TMEM169: variants seen among roughly 807,000 people sequenced by gnomAD.
TMEM169 encodes the protein transmembrane protein 169.
In TMEM169, 18 loss-of-function variants were observed where a neutral mutation model predicts 27.3. The ratio of observed to expected loss-of-function variants is 0.66; its 90% CI spans 0.46 to 0.98. TMEM169 has a LOEUF of 0.98. Among genes scored for constraint, TMEM169 ranks in the 50% least tolerant of loss-of-function variants. The pLI is 0.00. For missense variants in TMEM169, 320 were observed against 368.6 expected, an observed-to-expected ratio of 0.87 and a Z score of 1.08; for synonymous variants, 136 against 142.1, an observed-to-expected ratio of 0.96 and a Z score of 0.30.
intron 1 of TMEM169, among the ~76,000 whole-genome samples, chr2:216,091,578 A>AAAAAAAG (rs746507441): frequency 4.4e-5 from 5 of 113,364 alleles, no homozygotes; most frequent in Admixed American, 2.2e-4. Context: ...AAAAAAAAAA[A>AAAAAAAG]AGAGAGAGAC....
intron 2 of TMEM169, among the ~76,000 whole-genome samples, chr2:216,097,667 C>T (rs1696294043): frequency 6.6e-6 from 1 of 151,380 alleles, no homozygotes; most frequent in Non-Finnish European, 1.5e-5. Context: ...GACATATGCT[C>T]ACAGTGAACA....
chr2:216,102,770 T>C lies in TMEM169; in HGVS notation c.*2228T>C, dbSNP rs1696425531. On this transcript the variant is annotated 3_prime_UTR_variant, in exon 3 of 3. Coordinates refer to ENST00000437356, the MANE Select transcript of TMEM169 (RefSeq NM_001142311.2). ...CAAAGAAAATAAAAATAAAGTCTGA[T>C]TAACTTTTGCTCATTTTGTCTTTGA... The C allele has an allele frequency of 6.6e-6, 1 of 152,646 alleles. No individual in the cohort carries two copies. The highest frequency in any genetic ancestry group is 1.5e-5 in the Non-Finnish European group (1 of 68,044). The allele number at this position is 152,646 out of a possible 1,614,324, so 9.5% of individuals were successfully genotyped here.
At chr2:216,095,103 T>C (rs987353224) in intron 1 of TMEM169, among the ~76,000 whole-genome samples, 7 of 124,832 alleles carry the variant, frequency 5.6e-5, no homozygotes, top group Middle Eastern at 3.6e-3. Flanking sequence ...TGGTTCTTTT[T>C]TCTTTCTTTT....
At position 216,101,968 on chromosome 2, in the gene TMEM169, C is replaced by T. The variant is rs967163388; in HGVS notation, c.*1426C>T. 1.2e-4 allele frequency: 18 copies of T among 151,970 alleles called. No individual in the cohort carries two copies. Among genetic ancestry groups the T allele is most frequent in the Admixed American group, 8.5e-4 (13 of 15,244 alleles). 9.4% of individuals were successfully genotyped at this position (151,970 alleles called of 1,614,324 possible). ...CATATACTTTGAATATGCTATACAT[C>T]GATATTAGCACCTCACGTACTTTGC... On this transcript the variant is annotated 3_prime_UTR_variant, in exon 3 of 3. Transcript: ENST00000437356.
chr2:216,093,181 A>C (rs1696179684), intron 1 of TMEM169, among the ~76,000 whole-genome samples: 1 of 147,634 alleles, frequency 6.8e-6, no homozygotes, highest in African/African-American at 2.6e-5. Context: ...TAAAATCTTC[A>C]CCTGGGGGTG....
At chr2:216,088,131 C>G (rs1696048075) in intron 1 of TMEM169, among the ~76,000 whole-genome samples, 1 of 145,878 alleles carries the variant, frequency 6.9e-6, no homozygotes, top group Non-Finnish European at 1.5e-5. Flanking sequence ...GCACTCCAGC[C>G]TGGGTGACCA....
intron 1 of TMEM169, 62 bp downstream of exon 1, chr2:216,082,041 C>CAAAA (rs386392588): frequency 1.8e-4 from 44 of 249,588 alleles, no homozygotes; most frequent in East Asian, 1.4e-3. Context: ...AAGGGAAATG[C>CAAAA]AAAAAAAAAA....
chr2:216,099,777 G>A lies in TMEM169; in HGVS notation c.272-143G>A, dbSNP rs548271346. ...CTCCCGAGGGAGACCCACTCAGTCC[G>A]CCATTGAATCACTGACTCAGGACTG... On this transcript the variant is annotated intron_variant, in intron 2 of 2. Coordinates refer to ENST00000437356, the MANE Select transcript of TMEM169 (RefSeq NM_001142311.2). This position sits in a 1 kb window ranked among gnomAD's most constrained non-coding sequence, Gnocchi z 5.0. 62 of 1,130,200 alleles carry A rather than the reference G, an allele frequency of 5.5e-5. No individual in the cohort carries two copies. The highest frequency in any genetic ancestry group is 2.5e-4 in the African/African-American group (16 of 64,112). The allele number at this position is 1,130,200 out of a possible 1,614,324, so 70.0% of individuals were successfully genotyped here. A position where few individuals can be genotyped will look rare whatever the true frequency, so the allele number is the denominator to read the frequency against.
At chr2:216,088,448 A>T (rs1696057404) in intron 1 of TMEM169, among the ~76,000 whole-genome samples, 1 of 152,286 alleles carries the variant, frequency 6.6e-6, no homozygotes, top group African/African-American at 2.4e-5. Context: ...TGGGCGACAG[A>T]GCGAGACTCC....
intron 1 of TMEM169, among the ~76,000 whole-genome samples, chr2:216,084,858 G>C (rs188631449): frequency 3.9e-5 from 6 of 152,324 alleles, no homozygotes; most frequent in Admixed American, 1.3e-4. Flanking sequence ...TTGGAGCATA[G>C]TACCCCTACT....
intron 1 of TMEM169, among the ~76,000 whole-genome samples, chr2:216,091,556 CAAAAAAAA>C (rs35975278): frequency 1.0e-3 from 81 of 80,336 alleles, no homozygotes; most frequent in Admixed American, 4.7e-3. Flanking sequence ...GACTCCATCT[CAAAAAAAA>C]AAAAAAAAAA....
intron 1 of TMEM169, among the ~76,000 whole-genome samples, chr2:216,085,580 A>G (rs1253403788): frequency 6.6e-6 from 1 of 151,900 alleles, no homozygotes; most frequent in Non-Finnish European, 1.5e-5. Flanking sequence ...TGAATTTAAG[A>G]ATTATCTGGG....
chr2:216,101,936 T>C lies in TMEM169; in HGVS notation c.*1394T>C, dbSNP rs1696405955. 1 of 152,246 alleles carries C rather than the reference T, an allele frequency of 6.6e-6. No homozygotes were observed. The highest frequency in any genetic ancestry group is 2.4e-5 in the African/African-American group (1 of 41,466). 9.4% of individuals were successfully genotyped at this position (152,246 alleles called of 1,614,324 possible). On this transcript the variant is annotated 3_prime_UTR_variant, in exon 3 of 3. Coordinates refer to ENST00000437356, the MANE Select transcript of TMEM169 (RefSeq NM_001142311.2). Reference sequence around the variant, plus strand: ...TACACAGAGAATTTATATATAGATATTAGCTACATATACTTTGAATATGCT... The same window carrying C: ...TACACAGAGAATTTATATATAGATACTAGCTACATATACTTTGAATATGCT...
Position 216,102,768 on chromosome 2 carries a change from G to C in TMEM169, c.*2226G>C, listed in dbSNP as rs1296333611. On this transcript the variant is annotated 3_prime_UTR_variant, in exon 3 of 3. Coordinates refer to ENST00000437356, the MANE Select transcript of TMEM169 (RefSeq NM_001142311.2). ...GACAAAGAAAATAAAAATAAAGTCT[G>C]ATTAACTTTTGCTCATTTTGTCTTT... The C allele has an allele frequency of 6.6e-6, 1 of 152,590 alleles. No homozygotes were observed. The highest frequency in any genetic ancestry group is 1.9e-4 in the East Asian group (1 of 5,200). The allele number at this position is 152,590 out of a possible 1,614,324, so 9.5% of individuals were successfully genotyped here. A position where few individuals can be genotyped will look rare whatever the true frequency, so the allele number is the denominator to read the frequency against.
At chr2:216,093,047 T>C (rs1318056968) in intron 1 of TMEM169, among the ~76,000 whole-genome samples, 2 of 152,110 alleles carry the variant, frequency 1.3e-5, no homozygotes, top group African/African-American at 4.8e-5. Flanking sequence ...TACACATTTG[T>C]ATATAAATAT....
chr2:216,096,143 G>GA lies in TMEM169; in HGVS notation c.184dup (p.Thr62AsnfsTer3). ...TCATCATCTACCGCTCAGACAATGA[G>GA]AAAACAGATGAGGAGCCCGGAGAAT... On this transcript the variant is annotated frameshift_variant, in exon 2 of 3. Coordinates refer to ENST00000437356, the MANE Select transcript of TMEM169 (RefSeq NM_001142311.2). LOFTEE classifies it high-confidence loss of function. 1 of 1,614,164 alleles carries GA rather than the reference G, an allele frequency of 6.2e-7. No individual in the cohort carries two copies. The highest frequency in any genetic ancestry group is 1.1e-5 in the South Asian group (1 of 91,080).
chr2:216,090,565 A>T (rs1214217004), intron 1 of TMEM169, among the ~76,000 whole-genome samples: 2 of 152,238 alleles, frequency 1.3e-5, no homozygotes, highest in African/African-American at 2.4e-5. Context: ...CAGAGAAACT[A>T]TTTATAGGAA....
At chr2:216,091,993 A>G (rs1260620178) in intron 1 of TMEM169, among the ~76,000 whole-genome samples, 1 of 152,208 alleles carries the variant, frequency 6.6e-6, no homozygotes, top group African/African-American at 2.4e-5. Flanking sequence ...GACTACTGTA[A>G]GTAGACATTG....
intron 2 of TMEM169, among the ~76,000 whole-genome samples, chr2:216,098,701 C>T (rs556236714): frequency 1.5e-5 from 2 of 137,478 alleles, no homozygotes; most frequent in South Asian, 4.5e-4. Flanking sequence ...CTATTTGGTT[C>T]TGTGTGGGTG....
Sources: gnomAD v4.1 joint callset for allele counts (sites outside exome capture counted in the v4.1 genomes callset) on GRCh38, gnomAD v4.1.1 for gene constraint, Gnocchi (gnomAD v3.1) non-coding constraint, MANE v1.5 for transcripts, NCBI Gene and HGNC (gene_info 2026-07-23, HGNC 2026-07-21) for gene names.